The following FAM149A variants were observed in gnomAD, a reference collection of about 807,000 sequenced individuals.
FAM149A encodes family with sequence similarity 149 member A.
FAM149A carries 71 observed loss-of-function variants against 78.2 expected under a neutral mutation model. That is an observed-to-expected ratio of 0.91 (90% confidence interval 0.75 to 1.11). The LOEUF (loss-of-function observed/expected upper bound fraction) is 1.11. Among genes scored for constraint, FAM149A ranks in the 50% least tolerant of loss-of-function variants. The probability of loss-of-function intolerance (pLI) is 0.00; values close to 1 mark genes in which losing one functional copy is unlikely to be tolerated. For synonymous variants in FAM149A, 446 were observed against 410.5 expected, an observed-to-expected ratio of 1.09 and a Z score of -1.04; for missense variants, 1,036 against 971.0, an observed-to-expected ratio of 1.07 and a Z score of -0.89.
intron 1 of FAM149A, among the ~76,000 whole-genome samples, chr4:186,143,799 G>A (rs1579857121): frequency 1.3e-5 from 2 of 152,300 alleles, no homozygotes; most frequent in East Asian, 3.9e-4. Context: ...CCAAAGTGCT[G>A]GGATTACAGG....
chr4:186,162,860 A>G lies in FAM149A; in HGVS notation c.1591A>G (p.Ser531Gly). Residue 531 changes from serine (S) to glycine (G), a missense_variant, in exon 9 of 14, where the codon AGC (serine) becomes GGC (glycine). Physicochemically the swap from Ser to Gly is moderately conservative, Grantham distance 56 (BLOSUM62 0). Transcript: ENST00000389354. ...CTGTTCTCAGATTCATCACTTCTCC[A>G]GCAGTTTTTATAGTGACATGAATGG... is the stretch of plus-strand genomic sequence containing the variant. The G allele has an allele frequency of 7.6e-7, 1 of 1,319,724 alleles. No homozygotes were observed. Among genetic ancestry groups the G allele is most frequent in the Non-Finnish European group, 1.1e-6 (1 of 941,548 alleles). 81.8% of individuals were successfully genotyped at this position (1,319,724 alleles called of 1,614,324 possible). A position where few individuals can be genotyped will look rare whatever the true frequency, so the allele number is the denominator to read the frequency against.
chr4:186,145,018 G>C, intron 1 of FAM149A: 1 of 981,766 alleles, frequency 1.0e-6, no homozygotes, highest in Non-Finnish European at 1.2e-6. Context: ...TCTGCGTGGG[G>C]CCCGCGCGCG....
intron 1 of FAM149A, among the ~76,000 whole-genome samples, chr4:186,136,702 A>C (rs2099322846): frequency 6.6e-6 from 1 of 152,124 alleles, no homozygotes; most frequent in African/African-American, 2.4e-5. Flanking sequence ...ATGTCCTGAT[A>C]ATCTGTGCCA....
rs1734020827 is a variant in FAM149A, at chr4:186,156,182, C to T, written c.1412C>T (p.Thr471Ile). 1 of 1,611,908 alleles carries T rather than the reference C, an allele frequency of 6.2e-7. No homozygotes were observed. ...CTGATTAGAAAACACTGGGAAACTA[C>T]ACTCACAGGTACTTACATGCAGAAT... The change falls in exon 7 of 14, where the codon ACA (threonine) becomes ATA (isoleucine). Residue 471 changes from threonine (T) to isoleucine (I), a missense_variant. Coordinates refer to ENST00000389354, the MANE Select transcript of FAM149A (RefSeq NM_001367768.3).
chr4:186,163,647 C>T lies in FAM149A; in HGVS notation c.1889+14C>T, dbSNP rs774948960. On this transcript the variant is annotated intron_variant, in intron 10 of 13. Coordinates refer to ENST00000389354, the MANE Select transcript of FAM149A (RefSeq NM_001367768.3). ...GGGAACAAAACTGTGAGTCTCATTTCTTTCATAGTAAACTAAAGGCCACGG... is the reference window on the plus strand; with the variant it reads ...GGGAACAAAACTGTGAGTCTCATTTTTTTCATAGTAAACTAAAGGCCACGG... 6.2e-7 allele frequency: 1 copy of T among 1,602,814 alleles called. No individual in the cohort carries two copies. The highest frequency in any genetic ancestry group is 8.5e-7 in the Non-Finnish European group (1 of 1,171,298).
intron 6 of FAM149A, chr4:186,155,051 C>T: frequency 3.8e-6 from 2 of 520,468 alleles, no homozygotes; most frequent in South Asian, 1.6e-4. Context: ...CAAACTCCGC[C>T]TCCCGGGTTC....
chr4:186,166,367 G>T (rs992638570), intron 11 of FAM149A, among the ~76,000 whole-genome samples: 1 of 152,242 alleles, frequency 6.6e-6, no homozygotes, highest in African/African-American at 2.4e-5. Flanking sequence ...TTTACAAAAG[G>T]CAGCGGAGTG....
In FAM149A at chr4:186,139,979, C is replaced by CA. The variant is rs71902674; in HGVS notation, c.567-9186dup. ...TGAACTGGTTTAATACTCCACCTAA[C>CA]AAAAAAAACCACTCTCAATGCTTTA... On this transcript the variant is annotated intron_variant, in intron 1 of 13. Transcript: ENST00000389354. 3.1e-3 allele frequency among the ~76,000 whole-genome samples: 473 copies of CA among 151,416 alleles called. 5 individuals are homozygous for CA. The highest frequency in any genetic ancestry group is 0.011 in the African/African-American group (446 of 41,346).
intron 1 of FAM149A, chr4:186,127,247 C>T: frequency 4.1e-6 from 4 of 966,930 alleles, no homozygotes; most frequent in Non-Finnish European, 4.9e-6. Context: ...TGCATGCCCA[C>T]AAATCTCAAC....
chr4:186,125,572 C>T (rs999188934), intron 1 of FAM149A: 27 of 459,684 alleles, frequency 5.9e-5, no homozygotes, highest in African/African-American at 4.2e-5. Flanking sequence ...ATAGGTTTCT[C>T]ACGAGAATTT....
Position 186,104,843 on chromosome 4 carries a change from C to G in FAM149A, c.-234C>G, listed in dbSNP as rs1202469287. ...CCTCGGGGGTCTCACGGCGCTGGGACGAGGCGGGGCTGCTCTCCGCAGCCG... is the reference window on the plus strand; with the variant it reads ...CCTCGGGGGTCTCACGGCGCTGGGAGGAGGCGGGGCTGCTCTCCGCAGCCG... On this transcript the variant is annotated 5_prime_UTR_variant, in exon 1 of 14. Transcript: ENST00000389354. The G allele has an allele frequency of 2.0e-5, 11 of 562,624 alleles. No homozygotes were observed. Among genetic ancestry groups the G allele is most frequent in the Non-Finnish European group, 2.5e-5 (11 of 444,042 alleles). The allele number at this position is 562,624 out of a possible 1,614,324, so 34.9% of individuals were successfully genotyped here. A position where few individuals can be genotyped will look rare whatever the true frequency, so the allele number is the denominator to read the frequency against.
chr4:186,162,367 T>C (rs757395626), intron 8 of FAM149A, among the ~76,000 whole-genome samples: 3 of 152,196 alleles, frequency 2.0e-5, no homozygotes, highest in African/African-American at 7.2e-5. Context: ...ATGCCCGGCC[T>C]GTGCTTCTCC....
intron 1 of FAM149A, among the ~76,000 whole-genome samples, chr4:186,131,001 G>A (rs2099320547): frequency 6.6e-6 from 1 of 152,146 alleles, no homozygotes; most frequent in East Asian, 1.9e-4. Flanking sequence ...GGAGTAACTA[G>A]GTTTAGATTA....
At chr4:186,125,388 G>A (rs1404900931) in intron 1 of FAM149A, 1 of 950,610 alleles carries the variant, frequency 1.1e-6, no homozygotes, top group Non-Finnish European at 1.3e-6. Flanking sequence ...GATAGCCACT[G>A]CTGAGGGAAG....
intron 1 of FAM149A, among the ~76,000 whole-genome samples, chr4:186,148,861 A>C (rs982154123): frequency 3.9e-5 from 6 of 152,134 alleles, no homozygotes; most frequent in African/African-American, 1.4e-4. Context: ...GTTTGGGGCA[A>C]CTTTTCCTTC....
At chr4:186,128,987 G>T (rs2099319481) in intron 1 of FAM149A, among the ~76,000 whole-genome samples, 1 of 151,748 alleles carries the variant, frequency 6.6e-6, no homozygotes, top group African/African-American at 2.4e-5. Context: ...TGGTGTGTGT[G>T]TGTCCACGTA....
chr4:186,115,503 G>GT, intron 1 of FAM149A, among the ~76,000 whole-genome samples: 1 of 68,634 alleles, frequency 1.5e-5, no homozygotes, highest in Non-Finnish European at 2.9e-5. Flanking sequence ...TTTCTGTTCT[G>GT]TTTTTTCCCC....
At chr4:186,109,646 A>G (rs1428780713) in intron 1 of FAM149A, 2 of 984,592 alleles carry the variant, frequency 2.0e-6, no homozygotes, top group Non-Finnish European at 2.4e-6. Context: ...AATAATAAGT[A>G]ATATATGGAG....
chr4:186,111,523 T>C (rs900670035), intron 1 of FAM149A, among the ~76,000 whole-genome samples: 4 of 152,074 alleles, frequency 2.6e-5, no homozygotes, highest in Non-Finnish European at 5.9e-5. Context: ...GTTTTTATGG[T>C]TTTAGGTCTA....
Sources: gnomAD v4.1 joint callset for allele counts (sites outside exome capture counted in the v4.1 genomes callset) on GRCh38, gnomAD v4.1.1 for gene constraint, MANE v1.5 for transcripts, NCBI Gene and HGNC (gene_info 2026-07-23, HGNC 2026-07-21) for gene names.